HPGDS: variants seen among roughly 807,000 people sequenced by gnomAD.
HPGDS encodes GST class-sigma.
HPGDS carries 26 observed loss-of-function variants against 23.1 expected under a neutral mutation model. The observed-to-expected ratio is 1.13, with a 90% CI of 0.83 to 1.56. The LOEUF (loss-of-function observed/expected upper bound fraction) is 1.56. HPGDS is among the 40% of genes most tolerant of loss of function. The pLI is 0.00. For synonymous variants in HPGDS, 95 were observed against 77.9 expected, an observed-to-expected ratio of 1.22 and a Z score of -1.16; for missense variants, 268 against 236.4, an observed-to-expected ratio of 1.13 and a Z score of -0.88.
chr4:94,313,590 T>C lies in HPGDS; in HGVS notation c.226+4283A>G. 1.3e-5 allele frequency among the ~76,000 whole-genome samples: 2 copies of C among 152,174 alleles called. 1 individual carries two copies. Among genetic ancestry groups the C allele is most frequent in the Non-Finnish European group, 2.9e-5 (2 of 68,030 alleles). Reference sequence around the variant, plus strand: ...TTAACATTTTTTCCTTCATTTCAACTTTGGTGAATCTGACAATTATGTGTC... The same window carrying C: ...TTAACATTTTTTCCTTCATTTCAACCTTGGTGAATCTGACAATTATGTGTC... On this transcript the variant is annotated intron_variant, in intron 3 of 5. Transcript: ENST00000295256.
chr4:94,316,053 A>G (rs905167720), intron 3 of HPGDS, among the ~76,000 whole-genome samples: 1 of 152,172 alleles, frequency 6.6e-6, no homozygotes, highest in Admixed American at 6.5e-5. Flanking sequence ...CCAACAAATA[A>G]TTACGGGCCT....
intron 4 of HPGDS, among the ~76,000 whole-genome samples, chr4:94,302,743 C>T (rs1756067645): frequency 6.6e-6 from 1 of 152,094 alleles, no homozygotes; most frequent in Non-Finnish European, 1.5e-5. Flanking sequence ...TGTATTTTCT[C>T]ATTGGACTAC....
At chr4:94,316,803 G>T (rs1410652819) in intron 3 of HPGDS, among the ~76,000 whole-genome samples, 4 of 152,232 alleles carry the variant, frequency 2.6e-5, no homozygotes, top group Non-Finnish European at 5.9e-5. Flanking sequence ...CTGACTCAAA[G>T]TTGCACAAAG....
intron 1 of HPGDS, among the ~76,000 whole-genome samples, chr4:94,341,959 GTTAA>G (rs1721182371): frequency 6.6e-6 from 1 of 152,176 alleles, no homozygotes. Flanking sequence ...GGTAAAGAAT[GTTAA>G]TTTCCCTCAT....
chr4:94,323,344 C>G (rs1381906064), intron 2 of HPGDS, among the ~76,000 whole-genome samples: 2 of 152,082 alleles, frequency 1.3e-5, no homozygotes, highest in Non-Finnish European at 2.9e-5. Context: ...ATTGATCTGT[C>G]TAATATTGAC....
chr4:94,308,674 A>T lies in HPGDS; in HGVS notation c.296T>A (p.Met99Lys), dbSNP rs375827491. 6.8e-6 allele frequency: 11 copies of T among 1,609,378 alleles called. No homozygotes were observed. Among genetic ancestry groups the T allele is most frequent in the Non-Finnish European group, 9.3e-6 (11 of 1,176,714 alleles). ...TTTCTCTGCCCAAGGAAAACATGAC[A>T]TGAAATCATCCAGAGTGTCCACAAT... ...DAIVDTLDDF[M>K]SCFPWAEKKQ... Residue 99 changes from methionine (M) to lysine (K), a missense_variant, in exon 4 of 6, where the codon ATG becomes AAG. Met to Lys is a moderately conservative substitution (Grantham distance 95). Transcript: ENST00000295256.
At position 94,323,666 on chromosome 4, in the gene HPGDS, T is replaced by A. The variant is rs555954817; in HGVS notation, c.134-5701A>T. ...TTGAGCCTATGTGTGTCTCTGCACT[T>A]GAGATGGGTCTCCTGAATACAGCAC... On this transcript the variant is annotated intron_variant, in intron 2 of 5. Coordinates refer to ENST00000295256, the MANE Select transcript of HPGDS (RefSeq NM_014485.3). 4.3e-4 allele frequency among the ~76,000 whole-genome samples: 66 copies of A among 152,336 alleles called. 1 individual carries two copies. In the South Asian group the frequency reaches 8.7e-3, roughly 20 times the overall value.
intron 1 of HPGDS, among the ~76,000 whole-genome samples, chr4:94,337,827 C>CTATT (rs1721055667): frequency 1.3e-5 from 2 of 152,256 alleles, no homozygotes; most frequent in South Asian, 4.1e-4. Flanking sequence ...CAAAATCATG[C>CTATT]TATTTTATAT....
At chr4:94,305,360 A>G (rs1007105519) in intron 4 of HPGDS, among the ~76,000 whole-genome samples, 42 of 152,074 alleles carry the variant, frequency 2.8e-4, no homozygotes, top group African/African-American at 8.9e-4. Context: ...CTAGGCCTAT[A>G]TATATACGTG....
intron 5 of HPGDS, among the ~76,000 whole-genome samples, chr4:94,301,778 T>C (rs1465826904): frequency 6.6e-6 from 1 of 152,252 alleles, no homozygotes; most frequent in Admixed American, 6.5e-5. Context: ...AAGAGATATC[T>C]GTCTTAGATG....
chr4:94,333,258 T>C (rs1293465165), intron 2 of HPGDS, among the ~76,000 whole-genome samples: 3 of 152,234 alleles, frequency 2.0e-5, no homozygotes, highest in Non-Finnish European at 4.4e-5. Context: ...TCTGGATTTT[T>C]ACCTGTGCAA....
intron 2 of HPGDS, among the ~76,000 whole-genome samples, chr4:94,325,681 A>G (rs1034328806): frequency 2.6e-5 from 4 of 152,174 alleles, no homozygotes; most frequent in African/African-American, 9.6e-5. Context: ...TTCCAGATAC[A>G]GTCTGTCATG....
At chr4:94,311,935 T>A (rs868406581) in intron 3 of HPGDS, among the ~76,000 whole-genome samples, 1 of 150,648 alleles carries the variant, frequency 6.6e-6, no homozygotes, top group South Asian at 2.1e-4. Flanking sequence ...TAGAGGTGTT[T>A]ATAGTATTCT....
At chr4:94,335,231 T>C (rs756805628) in intron 1 of HPGDS, among the ~76,000 whole-genome samples, 12 of 152,222 alleles carry the variant, frequency 7.9e-5, no homozygotes, top group Non-Finnish European at 1.8e-4. Flanking sequence ...TACTGGGTTT[T>C]ACTGGGTTAC....
At chr4:94,314,620 C>G (rs1323890393) in intron 3 of HPGDS, among the ~76,000 whole-genome samples, 1 of 152,202 alleles carries the variant, frequency 6.6e-6, no homozygotes, top group African/African-American at 2.4e-5. Context: ...TGTCCATTCT[C>G]AGATCTCAAG....
chr4:94,341,190 G>A (rs577835043), intron 1 of HPGDS, among the ~76,000 whole-genome samples: 3 of 152,036 alleles, frequency 2.0e-5, no homozygotes, highest in African/African-American at 7.2e-5. Flanking sequence ...AATCAGCAGC[G>A]TGAAAACTAA....
Position 94,337,600 on chromosome 4 carries a change from A to G in HPGDS, c.-9-2962T>C, listed in dbSNP as rs1403054587. On this transcript the variant is annotated intron_variant, in intron 1 of 5. Coordinates refer to ENST00000295256, the MANE Select transcript of HPGDS (RefSeq NM_014485.3). ...TGAGGCAGAAAAATCACTGAAACCC[A>G]GGAGGCAGAGGTTGCAGTGAGCCAA... is the stretch of plus-strand genomic sequence containing the variant. Among the ~76,000 whole-genome samples, 3 of 152,072 alleles carry G rather than the reference A, an allele frequency of 2.0e-5. No homozygotes were observed. The East Asian group carries it at 5.8e-4, about 29-fold the overall frequency.
intron 2 of HPGDS, among the ~76,000 whole-genome samples, chr4:94,328,601 A>G (rs895555147): frequency 9.2e-5 from 14 of 152,214 alleles, no homozygotes; most frequent in Admixed American, 8.5e-4. Flanking sequence ...TAATATTTTA[A>G]TTGATTTCTC....
At chr4:94,329,090 A>C (rs1196787165) in intron 2 of HPGDS, among the ~76,000 whole-genome samples, 2 of 152,234 alleles carry the variant, frequency 1.3e-5, no homozygotes, top group African/African-American at 4.8e-5. Context: ...ATTTGAAGCA[A>C]AATATGTGAA....
Sources: gnomAD v4.1 joint callset for allele counts (sites outside exome capture counted in the v4.1 genomes callset) on GRCh38, gnomAD v4.1.1 for gene constraint, MANE v1.5 for transcripts, NCBI Gene and HGNC (gene_info 2026-07-23, HGNC 2026-07-21) for gene names.